Variants in CYP4B1 observed in about 807,000 individuals in gnomAD.
CYP4B1 encodes the protein cytochrome P450 4B1.
In CYP4B1, 45 loss-of-function variants were observed where a neutral mutation model predicts 54.0. The ratio of observed to expected loss-of-function variants is 0.83; its 90% CI spans 0.66 to 1.07. CYP4B1 has a LOEUF of 1.07. Among genes scored for constraint, CYP4B1 ranks in the 50% least tolerant of loss-of-function variants. CYP4B1 has a pLI of 0.00. For synonymous variants in CYP4B1, 248 were observed against 247.5 expected (o/e 1.00, Z -0.02); for missense variants, 656 against 655.4 (o/e 1.00, Z -0.01).
At chr1:46,813,427 C>A in intron 4 of CYP4B1, 55 bp from the exon 5 acceptor site, 2 of 1,611,700 alleles carry the variant, frequency 1.2e-6, no homozygotes, top group Non-Finnish European at 1.7e-6. Context: ...GGGCATCCAG[C>A]CCAACTAACC....
intron 1 of CYP4B1, among the ~76,000 whole-genome samples, chr1:46,808,805 T>G (rs1204680610): frequency 6.6e-6 from 1 of 151,348 alleles, no homozygotes; most frequent in Non-Finnish European, 1.5e-5. Context: ...AATGATGAGT[T>G]CATGTCCTTT....
rs1352383552 is a variant in CYP4B1, at chr1:46,815,203, C to T, written c.1012C>T (p.His338Tyr). The change falls in exon 8 of 12, where the codon CAC becomes TAC. Residue 338 changes from histidine (H) to tyrosine (Y), a missense_variant. Transcript: ENST00000371923. ...CTACTGCATGGCCCTGTACCCTGAG[C>T]ACCAGCATCGTTGTAGAGAGGAGGT... is the stretch of plus-strand genomic sequence containing the variant. ...FLYCMALYPE[H>Y]QHRCREEVRE... The T allele has an allele frequency of 3.1e-6, 5 of 1,607,484 alleles. No homozygotes were observed. Among genetic ancestry groups the T allele is most frequent in the Non-Finnish European group, 4.2e-6 (5 of 1,176,640 alleles).
At chr1:46,800,536 G>C (rs1043646905) in intron 1 of CYP4B1, among the ~76,000 whole-genome samples, 5 of 151,748 alleles carry the variant, frequency 3.3e-5, no homozygotes, top group Non-Finnish European at 5.9e-5. Context: ...CACTATGTTG[G>C]GCAGGCTGGT....
chr1:46,811,067 C>A (rs1679080138), intron 2 of CYP4B1, 73 bp from the exon 3 acceptor site: 1 of 1,602,956 alleles, frequency 6.2e-7, no homozygotes, highest in South Asian at 1.1e-5. Context: ...AGCTGAGGTT[C>A]CCACCCTACT....
chr1:46,805,871 T>A (rs1439007431), intron 1 of CYP4B1, among the ~76,000 whole-genome samples: 3 of 152,116 alleles, frequency 2.0e-5, no homozygotes, highest in Non-Finnish European at 4.4e-5. Context: ...AGAGGGCCCA[T>A]AGTAGGGAGA....
rs191126003 is a variant in CYP4B1, at chr1:46,813,356, G to A, written c.496-126G>A. Reference sequence around the variant, plus strand: ...CAGGATGGAGGGCAGGACAGGGACTGGGAGTGTGTGAAGGGGGCTTGGTGG... The same window carrying A: ...CAGGATGGAGGGCAGGACAGGGACTAGGAGTGTGTGAAGGGGGCTTGGTGG... On this transcript the variant is annotated intron_variant, in intron 4 of 11. Coordinates refer to ENST00000371923, the MANE Select transcript of CYP4B1 (RefSeq NM_001099772.2). The A allele has an allele frequency of 5.8e-4, 653 of 1,128,326 alleles. 3 individuals are homozygous for A. The African/African-American group carries it at 8.7e-3, about 15-fold the overall frequency. The allele number at this position is 1,128,326 out of a possible 1,614,324, so 69.9% of individuals were successfully genotyped here.
chr1:46,818,901 C>T lies in CYP4B1; in HGVS notation c.*87C>T. The T allele has an allele frequency of 2.3e-6, 3 of 1,317,028 alleles. No individual in the cohort carries two copies. The highest frequency in any genetic ancestry group is 2.4e-4 in the Middle Eastern group (1 of 4,112). 81.6% of individuals were successfully genotyped at this position (1,317,028 alleles called of 1,614,324 possible). The stretch of plus-strand genomic sequence containing the variant: ...CAGGCTGGGTGTGGAGGAGTTGGGG[C>T]CCCCTGCCTTCAGGAGGCTTGTAGT... On this transcript the variant is annotated 3_prime_UTR_variant, in exon 12 of 12. Coordinates refer to ENST00000371923, the MANE Select transcript of CYP4B1 (RefSeq NM_001099772.2).
At chr1:46,814,619 C>A (rs771041506) in intron 7 of CYP4B1, 156 of 363,290 alleles carry the variant, frequency 4.3e-4, no homozygotes, top group Non-Finnish European at 6.5e-4. Flanking sequence ...TTCATTCATT[C>A]ATTCATTCAT....
At chr1:46,816,555 G>A (rs1368181254) in intron 8 of CYP4B1, among the ~76,000 whole-genome samples, 1 of 139,960 alleles carries the variant, frequency 7.1e-6, no homozygotes, top group Non-Finnish European at 1.6e-5. Context: ...ATTTGGGCCT[G>A]AGCTTCCCGG....
chr1:46,817,817 G>A (rs574226979), intron 9 of CYP4B1, 148 bp from the exon 10 acceptor site: 73 of 705,986 alleles, frequency 1.0e-4, no homozygotes, highest in South Asian at 9.5e-4. Flanking sequence ...GTGATGAGTC[G>A]GATGTGGTCA....
chr1:46,800,499 T>C (rs1678614544), intron 1 of CYP4B1, among the ~76,000 whole-genome samples: 1 of 151,730 alleles, frequency 6.6e-6, no homozygotes, highest in African/African-American at 2.4e-5. Context: ...CCTAGCTAAT[T>C]TTTGCATTTT....
intron 1 of CYP4B1, among the ~76,000 whole-genome samples, chr1:46,803,968 ATCTGGAGGGTG>A (rs1311131074): frequency 6.6e-6 from 1 of 152,054 alleles, no homozygotes; most frequent in Non-Finnish European, 1.5e-5. Context: ...GGTCTGAAGA[ATCTGGAGGGTG>A]TCATGCAGAG....
At position 46,817,492 on chromosome 1, in the gene CYP4B1, A is replaced by C. The variant is rs1679383440; in HGVS notation, c.1207+311A>C. On this transcript the variant is annotated intron_variant, in intron 9 of 11. Coordinates refer to ENST00000371923, the MANE Select transcript of CYP4B1 (RefSeq NM_001099772.2). Reference sequence around the variant, plus strand: ...CATGCCCTGAACAGCACCAGGGAGCAACACTCACATAGACTATGATGCTGT... The same window carrying C: ...CATGCCCTGAACAGCACCAGGGAGCCACACTCACATAGACTATGATGCTGT... The C allele has an allele frequency of 6.5e-6, 3 of 459,884 alleles. No homozygotes were observed. In the South Asian group the frequency reaches 7.8e-5, roughly 12 times the overall value. The allele number at this position is 459,884 out of a possible 1,614,324, so 28.5% of individuals were successfully genotyped here.
rs45592433 is a variant in CYP4B1, at chr1:46,809,840, G to C, written c.181-968G>C. ...TTAAAAATAGTAATGACAGTTAAGT[G>C]CACTAGCTTGGAAAGGAGGACAAGT... On this transcript the variant is annotated intron_variant, in intron 1 of 11. Coordinates refer to ENST00000371923, the MANE Select transcript of CYP4B1 (RefSeq NM_001099772.2). Among the ~76,000 whole-genome samples the C allele has an allele frequency of 7.5e-3, 1,138 of 152,324 alleles. 10 individuals carry two copies. The highest frequency in any genetic ancestry group is 0.026 in the African/African-American group (1,088 of 41,560).
At chr1:46,815,700 C>G (rs1679308856) in intron 8 of CYP4B1, among the ~76,000 whole-genome samples, 1 of 152,206 alleles carries the variant, frequency 6.6e-6, no homozygotes, top group Non-Finnish European at 1.5e-5. Context: ...GATGCCATAT[C>G]TCTCCTGCTG....
chr1:46,814,335 C>T lies in CYP4B1; in HGVS notation c.882+20C>T. ...GCCCGGGTGAGTACATTGTTGCCCA[C>T]CCCTACCTGAGGACTGGTCCCAGAG... On this transcript the variant is annotated intron_variant, in intron 7 of 11. Coordinates refer to ENST00000371923, the MANE Select transcript of CYP4B1 (RefSeq NM_001099772.2). The T allele has an allele frequency of 6.3e-7, 1 of 1,585,982 alleles. No homozygotes were observed. Among genetic ancestry groups the T allele is most frequent in the Non-Finnish European group, 8.6e-7 (1 of 1,157,574 alleles).
rs141452762 is a variant in CYP4B1, at chr1:46,814,275, G to A, written c.842G>A (p.Arg281Gln). 9.7e-5 allele frequency: 156 copies of A among 1,614,088 alleles called. 1 individual carries two copies. The highest frequency in any genetic ancestry group is 7.1e-4 in the African/African-American group (53 of 75,028). The change falls in exon 7 of 12, where the codon CGG (arginine) becomes CAG (glutamine). Residue 281 changes from arginine to glutamine, a missense_variant. Physicochemically the swap from Arg to Gln is conservative, Grantham distance 43 (BLOSUM62 1). Coordinates refer to ENST00000371923, the MANE Select transcript of CYP4B1 (RefSeq NM_001099772.2). The stretch of plus-strand genomic sequence containing the variant: ...AAGGTGCGGAAGAAGATCCAGAACC[G>A]GAGGCACCTGGACTTCCTGGACATT... The part of the protein sequence containing the change: ...DEKVRKKIQN[R>Q]RHLDFLDILL...
chr1:46,808,263 A>G (rs112271420), intron 1 of CYP4B1, among the ~76,000 whole-genome samples: 3,956 of 152,184 alleles, frequency 0.026, 85 homozygotes, highest in South Asian at 0.071. Flanking sequence ...TCCCACCAAC[A>G]GTGTAAAAGT....
At chr1:46,811,250 C>T (rs1394521176) in intron 3 of CYP4B1, 66 bp downstream of exon 3, 2 of 1,522,800 alleles carry the variant, frequency 1.3e-6, no homozygotes, top group Non-Finnish European at 1.8e-6. Flanking sequence ...GACTAGGATC[C>T]TGGCCTGTCC....
Sources: gnomAD v4.1 joint callset for allele counts (sites outside exome capture counted in the v4.1 genomes callset) on GRCh38, gnomAD v4.1.1 for gene constraint, MANE v1.5 for transcripts, NCBI Gene and HGNC (gene_info 2026-07-23, HGNC 2026-07-21) for gene names.